PCM1: variants seen among roughly 807,000 people sequenced by gnomAD.
PCM1 encodes pericentriolar material 1, also known as pericentriolar material 1 protein.
A neutral mutation model predicts 241.9 loss-of-function variants in PCM1; 157 were observed. That is an observed-to-expected ratio of 0.65 (90% CI 0.57 to 0.74). The LOEUF is 0.74. Among genes scored for constraint, PCM1 ranks in the 30% least tolerant of loss-of-function variants. PCM1 has a pLI of 0.00. For missense variants in PCM1, 3,478 were observed against 2,360.1 expected (o/e 1.47, Z -9.81); for synonymous variants, 1,085 against 784.9 (o/e 1.38, Z -6.39).
intron 2 of PCM1, among the ~76,000 whole-genome samples, chr8:17,933,839 A>T (rs546318834): frequency 2.0e-4 from 30 of 152,224 alleles, no homozygotes; most frequent in South Asian, 2.1e-4. Flanking sequence ...ACTGATATGT[A>T]GCATTCTTAT....
At chr8:17,963,040 A>G (rs2073224522) in intron 16 of PCM1, 61 bp from the exon 17 acceptor site, 2 of 1,254,572 alleles carry the variant, frequency 1.6e-6, no homozygotes, top group South Asian at 2.7e-5. Flanking sequence ...GTAGTCTTTT[A>G]CTCTTTTAGG....
intron 7 of PCM1, among the ~76,000 whole-genome samples, chr8:17,949,648 G>A (rs771174753): frequency 1.3e-5 from 2 of 152,006 alleles, no homozygotes; most frequent in African/African-American, 2.4e-5. Context: ...CAGGCGTGCT[G>A]TACCACGCCG....
At chr8:18,010,281 C>A (rs1206528712) in intron 31 of PCM1, among the ~76,000 whole-genome samples, 2 of 152,146 alleles carry the variant, frequency 1.3e-5, no homozygotes, top group Non-Finnish European at 2.9e-5. Flanking sequence ...TAGATGTGTA[C>A]CCTTTTCCTG....
chr8:17,998,311 C>T (rs996237785), intron 29 of PCM1, among the ~76,000 whole-genome samples: 1 of 152,146 alleles, frequency 6.6e-6, no homozygotes, highest in African/African-American at 2.4e-5. Flanking sequence ...GTAGGCCTCA[C>T]AGTCTGGGCT....
At chr8:18,005,084 C>T (rs1165196286) in intron 29 of PCM1, among the ~76,000 whole-genome samples, 4 of 152,116 alleles carry the variant, frequency 2.6e-5, no homozygotes, top group Non-Finnish European at 5.9e-5. Flanking sequence ...TTCTGCCTGG[C>T]TGAAATATTT....
chr8:18,016,597 A>G (rs573223265), intron 36 of PCM1, among the ~76,000 whole-genome samples: 23 of 152,364 alleles, frequency 1.5e-4, no homozygotes, highest in Middle Eastern at 3.4e-3. Flanking sequence ...TTGCCTTGCT[A>G]AAAGATTCCT....
At chr8:17,956,300 C>A (rs967408710) in intron 10 of PCM1, among the ~76,000 whole-genome samples, 1 of 152,122 alleles carries the variant, frequency 6.6e-6, no homozygotes, top group Non-Finnish European at 1.5e-5. Context: ...AACTAGAAAT[C>A]TTTTTGACAT....
intron 36 of PCM1, chr8:18,015,588 A>G (rs987508826): frequency 2.6e-5 from 4 of 152,238 alleles, no homozygotes; most frequent in Admixed American, 2.6e-4. Context: ...TTCCAAATAA[A>G]TACTTGCCTC....
chr8:17,930,967 G>A (rs1163736356), intron 2 of PCM1, among the ~76,000 whole-genome samples: 1 of 152,002 alleles, frequency 6.6e-6, no homozygotes, highest in East Asian at 1.9e-4. Flanking sequence ...CTAATGCTGT[G>A]CCTTTTAAAC....
intron 23 of PCM1, among the ~76,000 whole-genome samples, chr8:17,978,029 T>C (rs1336316391): frequency 6.6e-6 from 1 of 152,102 alleles, no homozygotes; most frequent in African/African-American, 2.4e-5. Context: ...GAACAAAATA[T>C]TGAACAAATA....
intron 2 of PCM1, among the ~76,000 whole-genome samples, chr8:17,931,534 G>A (rs185166481): frequency 2.0e-5 from 3 of 152,122 alleles, no homozygotes; most frequent in Non-Finnish European, 2.9e-5. Flanking sequence ...TGGTAACGCC[G>A]ACCTTGGCCC....
At chr8:17,981,644 A>C (rs937888973) in intron 24 of PCM1, among the ~76,000 whole-genome samples, 1 of 152,188 alleles carries the variant, frequency 6.6e-6, no homozygotes, top group Non-Finnish European at 1.5e-5. Flanking sequence ...AAAAATGATA[A>C]CAGCAGCTAT....
intron 7 of PCM1, among the ~76,000 whole-genome samples, chr8:17,950,284 A>G (rs1222847330): frequency 1.3e-5 from 2 of 152,216 alleles, no homozygotes; most frequent in African/African-American, 2.4e-5. Context: ...GCTTTTTTAC[A>G]CTATCACTTT....
In PCM1 at chr8:18,026,165, G is replaced by GAAAAAAAAAAA. The variant is rs1588876179; in HGVS notation, c.6049+510_6049+511insAAAAAAAAAAA. Among the ~76,000 whole-genome samples the GAAAAAAAAAAA allele has an allele frequency of 1.1e-3, 4 of 3,574 alleles. 2 individuals carry two copies. The highest frequency in any genetic ancestry group is 2.3e-3 in the African/African-American group (4 of 1,734). 2.3% of individuals were successfully genotyped at this position (3,574 alleles called of 152,430 possible). On this transcript the variant is annotated intron_variant, in intron 38 of 38. Coordinates refer to ENST00000325083, the MANE Select transcript of PCM1 (RefSeq NM_006197.4). ...GGTGAAAGAGCGAGACTCCCTCTCTGAAACAAAAAAAAAAAAAAAAAAAAA... is the reference window on the plus strand; with the variant it reads ...GGTGAAAGAGCGAGACTCCCTCTCTGAAAAAAAAAAAAAACAAAAAAAAAAAAAAAAAAAAA...
chr8:18,005,873 G>T (rs537635256), intron 29 of PCM1, among the ~76,000 whole-genome samples: 1 of 152,240 alleles, frequency 6.6e-6, no homozygotes, highest in African/African-American at 2.4e-5. Flanking sequence ...AAATAATAGG[G>T]AATTGGGTAC....
Position 17,952,972 on chromosome 8 carries a change from T to A in PCM1, c.1074T>A (p.Pro358=), listed in dbSNP as rs2066657132. ...TTTTGTTGTTTTTTTTTAATAAGCC[T>A]CCAGCTGTTCCAGACAATAGAAGAC... ...RFHNQLRDSQ[P]PAVPDNRRQA... Residue 358 remains proline, a splice_region_variant and synonymous_variant, in exon 9 of 39, where the codon CCT becomes CCA. Coordinates refer to ENST00000325083, the MANE Select transcript of PCM1 (RefSeq NM_006197.4). The A allele has an allele frequency of 3.2e-6, 5 of 1,555,872 alleles. No individual in the cohort carries two copies. The highest frequency in any genetic ancestry group is 1.2e-5 in the South Asian group (1 of 81,878).
At chr8:17,967,340 C>T (rs911993457) in intron 21 of PCM1, among the ~76,000 whole-genome samples, 170 bp downstream of exon 21, 1 of 146,462 alleles carries the variant, frequency 6.8e-6, no homozygotes, top group Non-Finnish European at 1.5e-5. Context: ...CGGAGTTTTA[C>T]TCTTCTTGTC....
intron 21 of PCM1, 60 bp downstream of exon 21, chr8:17,967,230 T>C: frequency 8.3e-7 from 1 of 1,200,566 alleles, no homozygotes; most frequent in Non-Finnish European, 1.2e-6. Context: ...ACAACGTAAT[T>C]TGTCTATTGC....
Position 17,972,764 on chromosome 8 carries a change from G to C in PCM1, c.3943+77G>C, listed in dbSNP as rs1014564355. The stretch of plus-strand genomic sequence containing the variant: ...ACTTTGACATGTTGACATAGATATA[G>C]TTTCAGTAAGGCTAGATGTGCAGGT... On this transcript the variant is annotated intron_variant, in intron 23 of 38. Transcript: ENST00000325083. 12 of 829,114 alleles carry C rather than the reference G, an allele frequency of 1.4e-5. No individual in the cohort carries two copies. In the East Asian group the frequency reaches 3.3e-4, roughly 23 times the overall value. The allele number at this position is 829,114 out of a possible 1,614,324, so 51.4% of individuals were successfully genotyped here.
Sources: gnomAD v4.1 joint callset for allele counts (sites outside exome capture counted in the v4.1 genomes callset) on GRCh38, gnomAD v4.1.1 for gene constraint, MANE v1.5 for transcripts, NCBI Gene and HGNC (gene_info 2026-07-23, HGNC 2026-07-21) for gene names.